The following PCSK2 variants were observed in gnomAD, a reference collection of about 807,000 sequenced individuals.
PCSK2 encodes neuroendocrine convertase 2.
Under a neutral mutation model 69.7 loss-of-function variants are expected in PCSK2, and 14 were observed. That is an observed-to-expected ratio of 0.20 (90% confidence interval 0.13 to 0.31). The LOEUF (loss-of-function observed/expected upper bound fraction) is 0.31. Among genes scored for constraint, PCSK2 ranks in the 10% least tolerant of loss-of-function variants. The pLI is 1.00. For missense variants in PCSK2, 544 were observed against 842.5 expected, an observed-to-expected ratio of 0.65 and a Z score of 4.39; for synonymous variants, 307 against 320.7, an observed-to-expected ratio of 0.96 and a Z score of 0.46.
intron 2 of PCSK2, among the ~76,000 whole-genome samples, chr20:17,335,229 T>C (rs1215445345): frequency 6.6e-6 from 1 of 152,008 alleles, no homozygotes; most frequent in African/African-American, 2.4e-5. Context: ...GGGCTGGATG[T>C]CCAAGATGTC....
chr20:17,460,732 A>G (rs1320878930), intron 10 of PCSK2, among the ~76,000 whole-genome samples: 1 of 152,140 alleles, frequency 6.6e-6, no homozygotes, highest in Non-Finnish European at 1.5e-5. Flanking sequence ...AAGCTGAAAA[A>G]CGTTCATTTA....
rs140579381 is a variant in PCSK2, at chr20:17,307,780, A to G, written c.282+47436A>G. 8.2e-3 allele frequency among the ~76,000 whole-genome samples: 1,252 copies of G among 152,272 alleles called. 18 individuals carry two copies. Among genetic ancestry groups the G allele is most frequent in the African/African-American group, 0.029 (1,191 of 41,562 alleles). On this transcript the variant is annotated intron_variant, in intron 2 of 11. Transcript: ENST00000262545. ...AAAATCTATATATCAAGAAATAAAT[A>G]CTCTGCAGAGTATTAAAGCATGGAA... is the stretch of plus-strand genomic sequence containing the variant.
At chr20:17,450,017 CTTTTTTTTTTT>C (rs61156656) in intron 8 of PCSK2, among the ~76,000 whole-genome samples, 4 of 61,834 alleles carry the variant, frequency 6.5e-5, no homozygotes, top group Admixed American at 2.7e-4. Context: ...AATTTCTTCC[CTTTTTTTTTTT>C]TTTTTTTTTT....
At chr20:17,273,497 A>G (rs983897015) in intron 2 of PCSK2, among the ~76,000 whole-genome samples, 2 of 152,186 alleles carry the variant, frequency 1.3e-5, no homozygotes, top group African/African-American at 4.8e-5. Flanking sequence ...TGTTAATTTC[A>G]CAAATACATT....
intron 2 of PCSK2, among the ~76,000 whole-genome samples, chr20:17,348,526 G>C (rs2029881968): frequency 6.6e-6 from 1 of 152,224 alleles, no homozygotes; most frequent in Admixed American, 6.5e-5. Context: ...CAGTACGCTA[G>C]AGAAGTACCT....
chr20:17,242,884 G>A (rs573598866), intron 1 of PCSK2, among the ~76,000 whole-genome samples: 1 of 152,310 alleles, frequency 6.6e-6, no homozygotes, highest in Non-Finnish European at 1.5e-5. Context: ...TGGCTTGTTT[G>A]CCTTCTGTGT....
At chr20:17,307,262 T>A (rs981989582) in intron 2 of PCSK2, among the ~76,000 whole-genome samples, 1 of 152,218 alleles carries the variant, frequency 6.6e-6, no homozygotes, top group South Asian at 2.1e-4. Context: ...TAGAAACAGT[T>A]GTTATGAGCT....
chr20:17,310,306 C>A (rs1273308201), intron 2 of PCSK2, among the ~76,000 whole-genome samples: 1 of 152,128 alleles, frequency 6.6e-6, no homozygotes, highest in African/African-American at 2.4e-5. Flanking sequence ...TTGACCCTTT[C>A]CCCCAGGCTC....
intron 2 of PCSK2, among the ~76,000 whole-genome samples, chr20:17,329,280 C>A (rs994006844): frequency 6.6e-6 from 1 of 152,098 alleles, no homozygotes; most frequent in Non-Finnish European, 1.5e-5. Flanking sequence ...CAGAATAAGT[C>A]TGGGCTGTTT....
At chr20:17,244,937 A>T (rs73599738) in intron 1 of PCSK2, among the ~76,000 whole-genome samples, 12,884 of 152,202 alleles carry the variant, frequency 0.085, 1,010 homozygotes, top group East Asian at 0.4. Context: ...TTCTTGCCAG[A>T]TCCTCGCCAC....
intron 5 of PCSK2, among the ~76,000 whole-genome samples, chr20:17,408,613 G>A (rs879236592): frequency 3.3e-5 from 5 of 152,238 alleles, no homozygotes; most frequent in East Asian, 1.9e-4. Flanking sequence ...GTCTGTTCCC[G>A]CAACTAGGCT....
At chr20:17,396,207 A>C (rs1233625707) in intron 5 of PCSK2, among the ~76,000 whole-genome samples, 2 of 152,156 alleles carry the variant, frequency 1.3e-5, no homozygotes, top group Non-Finnish European at 2.9e-5. Context: ...CCTTGAGCTG[A>C]TTTACACGGT....
At chr20:17,280,085 A>G (rs1445900722) in intron 2 of PCSK2, among the ~76,000 whole-genome samples, 1 of 151,972 alleles carries the variant, frequency 6.6e-6, no homozygotes, top group Non-Finnish European at 1.5e-5. Context: ...CAGACATTTT[A>G]TTATATGTCA....
intron 2 of PCSK2, among the ~76,000 whole-genome samples, chr20:17,284,097 A>G (rs1225159446): frequency 6.6e-6 from 1 of 152,024 alleles, no homozygotes; most frequent in Non-Finnish European, 1.5e-5. Flanking sequence ...TTGCCATCTC[A>G]TCTGGTTTGG....
chr20:17,287,164 A>T (rs1988540281), intron 2 of PCSK2, among the ~76,000 whole-genome samples: 1 of 152,156 alleles, frequency 6.6e-6, no homozygotes, highest in South Asian at 2.1e-4. Context: ...TAAAAAAAAA[A>T]AATACCTTCA....
chr20:17,266,158 G>A (rs1208488825), intron 2 of PCSK2, among the ~76,000 whole-genome samples: 2 of 152,160 alleles, frequency 1.3e-5, no homozygotes, highest in Non-Finnish European at 2.9e-5. Context: ...TGAAAAAGAA[G>A]AGGGAAATAA....
chr20:17,339,778 C>T (rs1334745866), intron 2 of PCSK2, among the ~76,000 whole-genome samples: 1 of 152,130 alleles, frequency 6.6e-6, no homozygotes, highest in Non-Finnish European at 1.5e-5. Flanking sequence ...TGCCCAGCTC[C>T]CCTGTCATTG....
At chr20:17,439,323 C>T (rs1331698700) in intron 8 of PCSK2, among the ~76,000 whole-genome samples, 1 of 151,942 alleles carries the variant, frequency 6.6e-6, no homozygotes, top group Admixed American at 6.6e-5. Context: ...ACATGTTTCA[C>T]CATGTTGCCC....
intron 2 of PCSK2, among the ~76,000 whole-genome samples, chr20:17,325,585 T>C (rs1600493118): frequency 6.6e-6 from 1 of 152,366 alleles, no homozygotes; most frequent in East Asian, 1.9e-4. Flanking sequence ...ACGTAACAAA[T>C]GTAACAAGTG....
Sources: allele counts gnomAD v4.1 joint callset (sites outside exome capture counted in the v4.1 genomes callset), GRCh38; gene constraint gnomAD v4.1.1; transcripts MANE v1.5; gene names NCBI Gene and HGNC (gene_info 2026-07-23, HGNC 2026-07-21).